Variants in HPCAL1 observed in about 807,000 individuals in gnomAD.
HPCAL1 encodes the protein hippocalcin-like protein 1.
In HPCAL1, 8 loss-of-function variants were observed where a neutral mutation model predicts 17.1. That is an observed-to-expected ratio of 0.47 (90% CI 0.27 to 0.84). The LOEUF (loss-of-function observed/expected upper bound fraction) is 0.84, where lower values mean the gene tolerates loss of function less well. Among genes scored for constraint, HPCAL1 ranks in the 40% least tolerant of loss-of-function variants. The probability of loss-of-function intolerance (pLI) is 0.13; values close to 1 mark genes in which losing one functional copy is unlikely to be tolerated. For synonymous variants in HPCAL1, 112 were observed against 111.4 expected (o/e 1.01, Z -0.03); for missense variants, 165 against 271.1 (o/e 0.61, Z 2.75).
intron 1 of HPCAL1, among the ~76,000 whole-genome samples, chr2:10,321,484 A>G (rs955964979): frequency 6.6e-6 from 1 of 152,102 alleles, no homozygotes; most frequent in Non-Finnish European, 1.5e-5. Context: ...CATACCATAT[A>G]CCATGAAAGT....
chr2:10,364,497 G>A (rs1572723955), intron 1 of HPCAL1, among the ~76,000 whole-genome samples: 1 of 152,208 alleles, frequency 6.6e-6, no homozygotes, highest in African/African-American at 2.4e-5. Context: ...CGGGTGTCCC[G>A]GGGGAGACTC....
At chr2:10,369,437 C>T (rs548741614) in intron 1 of HPCAL1, among the ~76,000 whole-genome samples, 4 of 152,372 alleles carry the variant, frequency 2.6e-5, no homozygotes, top group South Asian at 2.1e-4. Flanking sequence ...GGAATGTCTG[C>T]CTCTGAGTCC....
rs1233249477 is a variant in HPCAL1, at chr2:10,359,263, G to A, written c.-110-37572G>A. ...TGTCTGGTGTGTGCCTATGTTTGCT[G>A]CGGGCTGGCTCGGCGAGGGGGAGGT... On this transcript the variant is annotated intron_variant, in intron 1 of 4. Coordinates refer to ENST00000307845, the MANE Select transcript of HPCAL1 (RefSeq NM_002149.4). The surrounding 1 kb of genome is among the most constrained non-coding windows in gnomAD (Gnocchi z 4.1). Among the ~76,000 whole-genome samples, 1 of 152,148 alleles carries A rather than the reference G, an allele frequency of 6.6e-6. No individual in the cohort carries two copies. Among genetic ancestry groups the A allele is most frequent in the Non-Finnish European group, 1.5e-5 (1 of 68,012 alleles).
intron 1 of HPCAL1, among the ~76,000 whole-genome samples, chr2:10,315,292 CA>C (rs5829256): frequency 7.4e-4 from 100 of 134,294 alleles, no homozygotes; most frequent in South Asian, 9.1e-4. Context: ...GACTCCGTCT[CA>C]AAAAAAAAAA....
rs1002945815 is a variant in HPCAL1, at chr2:10,321,431, G to C, written c.-111+18254G>C. Among the ~76,000 whole-genome samples, 8 of 151,732 alleles carry C rather than the reference G, an allele frequency of 5.3e-5. No homozygotes were observed. The East Asian group carries it at 1.5e-3, about 29-fold the overall frequency. On this transcript the variant is annotated intron_variant, in intron 1 of 4. Transcript: ENST00000307845. ...AGAGATGCAGTTTTTTTTTTTCAGGGGAAAGTGTTGTTGTTGTTGTTGTTT... is the reference window on the plus strand; with the variant it reads ...AGAGATGCAGTTTTTTTTTTTCAGGCGAAAGTGTTGTTGTTGTTGTTGTTT...
intron 1 of HPCAL1, among the ~76,000 whole-genome samples, chr2:10,393,018 C>G (rs1288405774): frequency 2.6e-5 from 4 of 152,206 alleles, no homozygotes; most frequent in Non-Finnish European, 5.9e-5. Flanking sequence ...GTGTGACGCC[C>G]CAGCTGGCAG....
At chr2:10,347,320 C>T (rs1665534560) in intron 1 of HPCAL1, among the ~76,000 whole-genome samples, 1 of 152,148 alleles carries the variant, frequency 6.6e-6, no homozygotes, top group Non-Finnish European at 1.5e-5. Flanking sequence ...CTCAGAGTCT[C>T]ATGGGGAGCA....
intron 1 of HPCAL1, among the ~76,000 whole-genome samples, chr2:10,341,637 G>A (rs1665090241): frequency 6.6e-6 from 1 of 152,024 alleles, no homozygotes; most frequent in Non-Finnish European, 1.5e-5. Context: ...ACCTAAACAC[G>A]AGCCGTGGGC....
At chr2:10,379,836 A>G (rs1015312840) in intron 1 of HPCAL1, among the ~76,000 whole-genome samples, 4 of 152,226 alleles carry the variant, frequency 2.6e-5, no homozygotes, top group African/African-American at 9.6e-5. Context: ...GGGAGACAAT[A>G]GCATTGAAGA....
chr2:10,334,371 A>G (rs1664582597), intron 1 of HPCAL1, among the ~76,000 whole-genome samples: 1 of 151,942 alleles, frequency 6.6e-6, no homozygotes, highest in African/African-American at 2.4e-5. Context: ...AGGTGGGTGC[A>G]GCATCATGTA....
chr2:10,399,520 C>CCATCACCATCAT (rs1558518638), intron 2 of HPCAL1, among the ~76,000 whole-genome samples: 7 of 118,202 alleles, frequency 5.9e-5, no homozygotes, highest in Non-Finnish European at 8.9e-5. Flanking sequence ...ACCGCCGCCA[C>CCATCACCATCAT]CACCGCCACT....
At chr2:10,404,963 C>T (rs778849220) in intron 2 of HPCAL1, among the ~76,000 whole-genome samples, 2 of 152,196 alleles carry the variant, frequency 1.3e-5, no homozygotes, top group Non-Finnish European at 1.5e-5. Flanking sequence ...TGTCAGGAAT[C>T]GGCTCCCAAG....
intron 1 of HPCAL1, among the ~76,000 whole-genome samples, chr2:10,389,980 A>G (rs181283969): frequency 7.2e-5 from 11 of 152,338 alleles, no homozygotes; most frequent in Admixed American, 2.0e-4. Flanking sequence ...GTGGTCATAG[A>G]CAGTAGATTC....
At chr2:10,403,302 A>G (rs764697907) in intron 2 of HPCAL1, among the ~76,000 whole-genome samples, 1 of 150,336 alleles carries the variant, frequency 6.7e-6, no homozygotes, top group Non-Finnish European at 1.5e-5. Context: ...TTTTAGAGCT[A>G]GCTCATACCT....
chr2:10,326,970 G>A (rs562072661), intron 1 of HPCAL1, among the ~76,000 whole-genome samples: 2 of 152,318 alleles, frequency 1.3e-5, no homozygotes, highest in African/African-American at 2.4e-5. Flanking sequence ...CTCAGCTCTG[G>A]GTGTCGGCTC....
rs1304399713 is a variant in HPCAL1, at chr2:10,336,607, C to T, written c.-111+33430C>T. Among the ~76,000 whole-genome samples, 4 of 152,238 alleles carry T rather than the reference C, an allele frequency of 2.6e-5. No homozygotes were observed. The East Asian group carries it at 5.8e-4, about 22-fold the overall frequency. ...GAAGAATTCTTTGTCCCTCAAGTGA[C>T]ATGACCATCACCTGTTGGTTGTGGC... On this transcript the variant is annotated intron_variant, in intron 1 of 4. Coordinates refer to ENST00000307845, the MANE Select transcript of HPCAL1 (RefSeq NM_002149.4).
intron 2 of HPCAL1, among the ~76,000 whole-genome samples, chr2:10,415,540 T>C (rs1328575408): frequency 6.6e-6 from 1 of 152,168 alleles, no homozygotes; most frequent in Non-Finnish European, 1.5e-5. Context: ...GCTCCCCGTG[T>C]GGTGTCGGCC....
At chr2:10,413,839 G>C (rs1670494938) in intron 2 of HPCAL1, among the ~76,000 whole-genome samples, 1 of 152,236 alleles carries the variant, frequency 6.6e-6, no homozygotes, top group Non-Finnish European at 1.5e-5. Context: ...GAGGTGAGTG[G>C]ATTCTTAAGG....
chr2:10,422,335 C>G (rs565585276), intron 3 of HPCAL1, among the ~76,000 whole-genome samples: 1 of 152,236 alleles, frequency 6.6e-6, no homozygotes, highest in African/African-American at 2.4e-5. Context: ...CCACTCCCCA[C>G]GCATGTCACT....
Sources: gnomAD v4.1 joint callset for allele counts (sites outside exome capture counted in the v4.1 genomes callset) on GRCh38, gnomAD v4.1.1 for gene constraint, Gnocchi (gnomAD v3.1) non-coding constraint, MANE v1.5 for transcripts, NCBI Gene and HGNC (gene_info 2026-07-23, HGNC 2026-07-21) for gene names.